MAML2: variants seen among roughly 807,000 people sequenced by gnomAD.
MAML2 encodes mastermind like transcriptional coactivator 2, also known as mastermind-like protein 2.
Under a neutral mutation model 96.1 loss-of-function variants are expected in MAML2, and 22 were observed. The observed-to-expected ratio is 0.23, with a 90% confidence interval of 0.16 to 0.33. The LOEUF (loss-of-function observed/expected upper bound fraction) is 0.33, where lower values mean the gene tolerates loss of function less well. MAML2 is among the 10% of genes least tolerant of loss of function. The pLI, the probability that MAML2 is intolerant of heterozygous loss-of-function variation, is 1.00. For missense variants in MAML2, 1,367 were observed against 1,392.4 expected (o/e 0.98, Z 0.29); for synonymous variants, 561 against 521.3 (o/e 1.08, Z -1.04).
chr11:96,314,541 A>C (rs898523287), intron 1 of MAML2, among the ~76,000 whole-genome samples: 2 of 152,198 alleles, frequency 1.3e-5, no homozygotes, highest in African/African-American at 4.8e-5. Context: ...GCACGTATCT[A>C]AGAGGTATAA....
intron 1 of MAML2, among the ~76,000 whole-genome samples, chr11:96,149,245 C>T (rs558919318): frequency 1.4e-3 from 219 of 151,694 alleles, no homozygotes; most frequent in Non-Finnish European, 2.9e-3. Flanking sequence ...AACCCTGTCT[C>T]TACTAAAAAT....
chr11:96,041,558 G>A (rs1287538581), intron 2 of MAML2, among the ~76,000 whole-genome samples: 1 of 151,608 alleles, frequency 6.6e-6, no homozygotes, highest in Non-Finnish European at 1.5e-5. Context: ...AAGAAAGAAA[G>A]AAAAAAGAAG....
At chr11:96,122,986 C>CT (rs1167896146) in intron 1 of MAML2, among the ~76,000 whole-genome samples, 1 of 152,216 alleles carries the variant, frequency 6.6e-6, no homozygotes, top group Admixed American at 6.5e-5. Flanking sequence ...CTGTAGTTGA[C>CT]TCATGGGCTG....
chr11:96,033,242 G>C (rs556708998), intron 2 of MAML2, among the ~76,000 whole-genome samples: 1 of 152,184 alleles, frequency 6.6e-6, no homozygotes, highest in South Asian at 2.1e-4. Context: ...TATCCAAGTG[G>C]TTTCCAAACC....
At chr11:96,191,099 T>C (rs79531327) in intron 1 of MAML2, among the ~76,000 whole-genome samples, 2,111 of 152,234 alleles carry the variant, frequency 0.014, 27 homozygotes, top group Non-Finnish European at 0.023. Context: ...GAGTCTAAAC[T>C]ACTATTATGT....
At chr11:96,015,585 G>GGC (rs1554996039) in intron 2 of MAML2, among the ~76,000 whole-genome samples, 2 of 10,394 alleles carry the variant, frequency 1.9e-4, no homozygotes, top group Non-Finnish European at 6.0e-4. Flanking sequence ...AAAAAAAAAA[G>GGC]GGGGGGGGGG....
intron 2 of MAML2, among the ~76,000 whole-genome samples, chr11:96,079,547 C>A (rs1415985949): frequency 3.3e-5 from 5 of 152,106 alleles, no homozygotes; most frequent in Admixed American, 2.6e-4. Flanking sequence ...TCTTCATCTG[C>A]AAAGAGGAGA....
At chr11:96,090,952 G>A (rs906023319) in intron 2 of MAML2, among the ~76,000 whole-genome samples, 6 of 152,172 alleles carry the variant, frequency 3.9e-5, no homozygotes, top group African/African-American at 9.7e-5. Flanking sequence ...GATAGATAAC[G>A]CAGACCTGTC....
rs1863991881 is a variant in MAML2, at chr11:96,341,492, T to C, written c.404A>G (p.Gln135Arg). Reference sequence around the variant, plus strand: ...ATTGCTACTGTTCAGCAGGTGCTGCTGGTGGTGATGGTGATAGTCTGGTGG... The same window carrying C: ...ATTGCTACTGTTCAGCAGGTGCTGCCGGTGGTGATGGTGATAGTCTGGTGG... ...PPPPDYHHHHQQHLLNSSNNG... is the reference protein window; with the variant it reads ...PPPPDYHHHHRQHLLNSSNNG... Residue 135 changes from glutamine (Q) to arginine (R), a missense_variant, in exon 1 of 5, where the codon CAG becomes CGG. Coordinates refer to ENST00000524717, the MANE Select transcript of MAML2 (RefSeq NM_032427.4). 6.5e-7 allele frequency: 1 copy of C among 1,550,384 alleles called. No individual in the cohort carries two copies.
intron 2 of MAML2, among the ~76,000 whole-genome samples, chr11:96,017,019 CTA>C (rs1339789227): frequency 5.9e-5 from 9 of 152,118 alleles, no homozygotes; most frequent in Non-Finnish European, 1.0e-4. Context: ...AGGCAATTAA[CTA>C]TGTGAGGAAT....
chr11:96,257,719 A>G (rs960530877), intron 1 of MAML2, among the ~76,000 whole-genome samples: 1 of 152,174 alleles, frequency 6.6e-6, no homozygotes, highest in Non-Finnish European at 1.5e-5. Context: ...AACCTCTATA[A>G]TATTTCTTTG....
In MAML2 at chr11:96,124,181, C is replaced by T. The variant is rs1860399007; in HGVS notation, c.514-30664G>A. On this transcript the variant is annotated intron_variant, in intron 1 of 4. Coordinates refer to ENST00000524717, the MANE Select transcript of MAML2 (RefSeq NM_032427.4). ...GTCACAGTTCTGTGGCCCACTGATT[C>T]CTACACTATTTCCTCTAGGTTCTGT... is the stretch of plus-strand genomic sequence containing the variant. 4.0e-5 allele frequency among the ~76,000 whole-genome samples: 6 copies of T among 151,104 alleles called. No individual in the cohort carries two copies. In the South Asian group the frequency reaches 1.3e-3, roughly 32 times the overall value.
At chr11:96,280,696 G>A (rs1863053063) in intron 1 of MAML2, among the ~76,000 whole-genome samples, 1 of 152,174 alleles carries the variant, frequency 6.6e-6, no homozygotes, top group South Asian at 2.1e-4. Flanking sequence ...CCACACAATA[G>A]CCAGGGTGCT....
intron 1 of MAML2, among the ~76,000 whole-genome samples, chr11:96,198,298 G>A (rs1256182983): frequency 1.3e-5 from 2 of 152,148 alleles, no homozygotes; most frequent in East Asian, 1.9e-4. Flanking sequence ...GCTCCTTTAC[G>A]TGTTGCCTGA....
chr11:96,121,503 C>T (rs1860339376), intron 1 of MAML2, among the ~76,000 whole-genome samples: 1 of 152,066 alleles, frequency 6.6e-6, no homozygotes, highest in Non-Finnish European at 1.5e-5. Context: ...AATAAACCCT[C>T]AATAAACATG....
intron 1 of MAML2, among the ~76,000 whole-genome samples, chr11:96,316,723 G>A (rs1277255032): frequency 6.6e-6 from 1 of 152,182 alleles, no homozygotes; most frequent in African/African-American, 2.4e-5. Context: ...GTTTTAAGCA[G>A]GGGTAGGATG....
At chr11:96,339,940 G>C (rs76275279) in intron 1 of MAML2, among the ~76,000 whole-genome samples, 4 of 152,180 alleles carry the variant, frequency 2.6e-5, no homozygotes, top group Non-Finnish European at 5.9e-5. Context: ...AACCCCACAA[G>C]CTAGTGCTGC....
chr11:96,250,130 A>G (rs1431364696), intron 1 of MAML2, among the ~76,000 whole-genome samples: 2 of 151,980 alleles, frequency 1.3e-5, no homozygotes, highest in African/African-American at 4.8e-5. Flanking sequence ...AATCCCCTCC[A>G]TGGCACTTAT....
chr11:96,177,982 T>C (rs907679981), intron 1 of MAML2, among the ~76,000 whole-genome samples: 1 of 145,840 alleles, frequency 6.9e-6, no homozygotes, highest in Non-Finnish European at 1.5e-5. Context: ...CTACCTGGGA[T>C]ACAATTTAAA....
Sources: gnomAD v4.1 joint callset for allele counts (sites outside exome capture counted in the v4.1 genomes callset) on GRCh38, gnomAD v4.1.1 for gene constraint, MANE v1.5 for transcripts, NCBI Gene and HGNC (gene_info 2026-07-23, HGNC 2026-07-21) for gene names.